The following SUCO variants were observed in gnomAD, a reference collection of about 807,000 sequenced individuals.
SUCO encodes SUN domain-containing ossification factor.
SUCO carries 57 observed loss-of-function variants against 148.1 expected under a neutral mutation model. That is an observed-to-expected ratio of 0.38 (90% CI 0.31 to 0.48). The LOEUF is 0.48. SUCO is among the 20% of genes least tolerant of loss of function. The probability of loss-of-function intolerance (pLI) is 0.96; values close to 1 mark genes in which losing one functional copy is unlikely to be tolerated. For missense variants in SUCO, 1,331 were observed against 1,468.2 expected (o/e 0.91, Z 1.53); for synonymous variants, 470 against 502.7 (o/e 0.93, Z 0.87).
At chr1:172,552,353 T>C (rs1485664121) in intron 2 of SUCO, among the ~76,000 whole-genome samples, 1 of 152,022 alleles carries the variant, frequency 6.6e-6, no homozygotes, top group Non-Finnish European at 1.5e-5. Context: ...CAAATTGCCA[T>C]CCCCCTTCCC....
intron 1 of SUCO, among the ~76,000 whole-genome samples, chr1:172,539,847 GTAT>G (rs921616263): frequency 6.6e-6 from 1 of 152,192 alleles, no homozygotes; most frequent in African/African-American, 2.4e-5. Flanking sequence ...TATTCACAAT[GTAT>G]TTGGTGTGAT....
chr1:172,584,384 CT>C, intron 15 of SUCO: 1 of 944,568 alleles, frequency 1.1e-6, no homozygotes, highest in Non-Finnish European at 1.3e-6. Flanking sequence ...ATTTTTTTCC[CT>C]GTCCCAGTAC....
chr1:172,608,002 C>G (rs1657969444), intron 22 of SUCO: 1 of 773,700 alleles, frequency 1.3e-6, no homozygotes, highest in South Asian at 5.9e-5. Flanking sequence ...TTGAATAGGA[C>G]TAAAGTCTCA....
In SUCO at chr1:172,609,928, G is replaced by A. The variant is rs745530506; in HGVS notation, c.3434G>A (p.Arg1145Lys). The A allele has an allele frequency of 1.2e-6, 2 of 1,613,916 alleles. No individual in the cohort carries two copies. Among genetic ancestry groups the A allele is most frequent in the Non-Finnish European group, 1.7e-6 (2 of 1,179,868 alleles). Residue 1145 changes from arginine (R) to lysine (K), a missense_variant, in exon 24 of 24, where the codon AGA becomes AAA. Arg to Lys is a conservative substitution (Grantham distance 26). Transcript: ENST00000263688. ...GGAAGAAAGCCCTTTACGAACCAGA[G>A]AGATTTTTCTAATATGGGAGAAGTT... ...IKGRKPFTNQ[R>K]DFSNMGEVYH...
At chr1:172,591,539 C>T (rs1188796330) in intron 19 of SUCO, among the ~76,000 whole-genome samples, 2 of 149,954 alleles carry the variant, frequency 1.3e-5, no homozygotes, top group East Asian at 2.0e-4. Flanking sequence ...GTTTGGTTTT[C>T]TGTCCTTGTG....
intron 16 of SUCO, among the ~76,000 whole-genome samples, chr1:172,585,579 T>C (rs1014951344): frequency 3.3e-5 from 5 of 152,178 alleles, no homozygotes; most frequent in South Asian, 2.1e-4. Context: ...TTAACAACTC[T>C]TTCAGTATCT....
intron 1 of SUCO, among the ~76,000 whole-genome samples, chr1:172,544,841 G>C (rs965179483): frequency 1.3e-5 from 2 of 152,176 alleles, no homozygotes; most frequent in Admixed American, 1.3e-4. Flanking sequence ...TCTTAAGCAG[G>C]GGAATGGTAG....
chr1:172,532,581 A>G, upstream of SUCO: 1 of 1,613,950 alleles, frequency 6.2e-7, no homozygotes, highest in Non-Finnish European at 8.5e-7. Context: ...CTCACAACAC[A>G]CACGTCATTC....
At position 172,611,281 on chromosome 1, in the gene SUCO, T is replaced by C. The variant is rs529747132; in HGVS notation, c.*1022T>C. On this transcript the variant is annotated 3_prime_UTR_variant, in exon 24 of 24. Transcript: ENST00000263688. ...ATGTTTGCTTTGTATTGGCTACAAATGTGCAGAGGTAATACATATGTGATG... is the reference window on the plus strand; with the variant it reads ...ATGTTTGCTTTGTATTGGCTACAAACGTGCAGAGGTAATACATATGTGATG... 1 of 152,794 alleles carries C rather than the reference T, an allele frequency of 6.5e-6. No individual in the cohort carries two copies. Among genetic ancestry groups the C allele is most frequent in the East Asian group, 1.9e-4 (1 of 5,190 alleles). The allele number at this position is 152,794 out of a possible 1,614,324, so 9.5% of individuals were successfully genotyped here.
intron 22 of SUCO, 32 bp downstream of exon 22, chr1:172,602,819 A>G (rs1657618966): frequency 6.5e-7 from 1 of 1,537,654 alleles, no homozygotes; most frequent in Non-Finnish European, 9.0e-7. Context: ...ATATGTATAT[A>G]TAAACATGAA....
chr1:172,590,250 T>C, intron 18 of SUCO: 1 of 806,460 alleles, frequency 1.2e-6, no homozygotes, highest in Non-Finnish European at 1.5e-6. Context: ...CCCAGAGGGC[T>C]CATGGAAAAA....
intron 15 of SUCO, among the ~76,000 whole-genome samples, chr1:172,579,981 G>A (rs186991703): frequency 2.0e-3 from 301 of 152,198 alleles, no homozygotes; most frequent in African/African-American, 3.3e-3. Flanking sequence ...GACTAGTTGC[G>A]TGTGCTTGTC....
Position 172,585,879 on chromosome 1 carries a change from A to C in SUCO, c.1589A>C (p.Asn530Thr). Residue 530 changes from asparagine (N) to threonine (T), a missense_variant, in exon 17 of 24, where the codon AAT becomes ACT. By Grantham distance (65) the Asn-to-Thr change is moderately conservative. Around this residue, in one of 3 missense-constraint regions of SUCO, gnomAD observed 992 missense variants for 1,093.5 expected, o/e 0.91. Transcript: ENST00000263688. Reference protein sequence around the residue: ...LTEGNKSISENATATAAPKMP... With the variant: ...LTEGNKSISETATATAAPKMP... Reference sequence around the variant, plus strand: ...ATAGGAAATAAAAGTATATCTGAGAATGCCACTGCCACAGCTGCACCTAAA... The same window carrying C: ...ATAGGAAATAAAAGTATATCTGAGACTGCCACTGCCACAGCTGCACCTAAA... 2 of 1,608,716 alleles carry C rather than the reference A, an allele frequency of 1.2e-6. No individual in the cohort carries two copies. The highest frequency in any genetic ancestry group is 2.7e-5 in the African/African-American group (2 of 74,794).
chr1:172,534,409 G>T (rs1651860985), intron 1 of SUCO, among the ~76,000 whole-genome samples: 1 of 152,184 alleles, frequency 6.6e-6, no homozygotes, highest in Non-Finnish European at 1.5e-5. Context: ...TATTAAAATA[G>T]AAATTAAGTT....
In SUCO at chr1:172,589,079, G is replaced by C. The variant is rs1265910392; in HGVS notation, c.1978G>C (p.Val660Leu). The change falls in exon 18 of 24, where the codon GTG becomes CTG. Residue 660 changes from valine (V) to leucine (L), a missense_variant. By Grantham distance (32) the Val-to-Leu change is conservative. This residue lies in a region of SUCO where 992 missense variants were observed against 1,093.5 expected (regional missense o/e 0.91). Transcript: ENST00000263688. ...TALSKGKDYLVLAQPPLLLPA... is the reference protein window; with the variant it reads ...TALSKGKDYLLLAQPPLLLPA... ...TTTGAGTAAAGGAAAAGATTATCTT[G>C]TGTTAGCTCAACCACCCTTACTACT... 3 of 1,613,768 alleles carry C rather than the reference G, an allele frequency of 1.9e-6. No individual in the cohort carries two copies. In the South Asian group the frequency reaches 3.3e-5, roughly 18 times the overall value.
chr1:172,598,518 T>G (rs767083710), intron 19 of SUCO, among the ~76,000 whole-genome samples: 24 of 152,200 alleles, frequency 1.6e-4, no homozygotes, highest in Non-Finnish European at 2.9e-4. Flanking sequence ...ATTTATAGAT[T>G]AATTTGCATA....
At chr1:172,535,983 C>T (rs190672399) in intron 1 of SUCO, among the ~76,000 whole-genome samples, 227 of 152,114 alleles carry the variant, frequency 1.5e-3, no homozygotes, top group Non-Finnish European at 2.4e-3. Context: ...AATTTTTGAT[C>T]AAGTAGTATA....
At chr1:172,584,940 ATTTTT>A (rs1375882971) in intron 15 of SUCO, 73 bp from the exon 16 acceptor site, 1 of 942,158 alleles carries the variant, frequency 1.1e-6, no homozygotes, top group African/African-American at 1.7e-5. Context: ...ATTCTAAATG[ATTTTT>A]TGACTATCTG....
intron 1 of SUCO, among the ~76,000 whole-genome samples, chr1:172,535,958 T>A (rs1651981969): frequency 6.6e-6 from 1 of 152,200 alleles, no homozygotes; most frequent in Non-Finnish European, 1.5e-5. Flanking sequence ...TGTTTTTTCC[T>A]TTTGCATAGT....
Sources: gnomAD v4.1 joint callset for allele counts (sites outside exome capture counted in the v4.1 genomes callset) on GRCh38, gnomAD v4.1.1 for gene constraint, gnomAD v4.1.1 regional missense constraint, MANE v1.5 for transcripts, NCBI Gene and HGNC (gene_info 2026-07-23, HGNC 2026-07-21) for gene names.